IMMP2L: variants seen among roughly 807,000 people sequenced by gnomAD.
IMMP2L encodes mitochondrial inner membrane protease subunit 2.
In IMMP2L, 18 loss-of-function variants were observed where a neutral mutation model predicts 19.3. The ratio of observed to expected loss-of-function variants is 0.93; its 90% CI spans 0.64 to 1.38. IMMP2L has a LOEUF of 1.38. Among genes scored for constraint, IMMP2L ranks in the 40% most tolerant of loss-of-function variants. IMMP2L has a pLI of 0.00. For missense variants in IMMP2L, 233 were observed against 218.2 expected, an observed-to-expected ratio of 1.07 and a Z score of -0.43; for synonymous variants, 76 against 73.0, an observed-to-expected ratio of 1.04 and a Z score of -0.21.
chr7:111,171,834 T>A (rs1806480731), intron 3 of IMMP2L, among the ~76,000 whole-genome samples: 1 of 151,426 alleles, frequency 6.6e-6, no homozygotes, highest in Admixed American at 6.6e-5. Flanking sequence ...ACTATCTACA[T>A]ATATGTAATA....
chr7:110,770,682 GTTC>G (rs1562965280), intron 5 of IMMP2L, among the ~76,000 whole-genome samples: 1 of 152,126 alleles, frequency 6.6e-6, no homozygotes, highest in Non-Finnish European at 1.5e-5. Flanking sequence ...ACTGTACTGT[GTTC>G]TTATTTGGGC....
At chr7:111,412,471 G>C (rs371082215) in intron 3 of IMMP2L, among the ~76,000 whole-genome samples, 17 of 151,636 alleles carry the variant, frequency 1.1e-4, no homozygotes, top group Admixed American at 1.1e-3. Flanking sequence ...GAGTTAAAAC[G>C]GAAATCAATT....
At chr7:111,132,738 T>C (rs2129594497) in intron 3 of IMMP2L, among the ~76,000 whole-genome samples, 1 of 152,110 alleles carries the variant, frequency 6.6e-6, no homozygotes, top group Admixed American at 6.5e-5. Context: ...AGCAAAAAGT[T>C]TAAATAAAAA....
At chr7:110,861,651 T>A (rs1807444206) in intron 5 of IMMP2L, among the ~76,000 whole-genome samples, 1 of 145,690 alleles carries the variant, frequency 6.9e-6, no homozygotes, top group Non-Finnish European at 1.5e-5. Context: ...CAGATGACAG[T>A]TTTCTCACTG....
intron 5 of IMMP2L, among the ~76,000 whole-genome samples, chr7:110,834,958 T>C (rs766308279): frequency 1.4e-4 from 21 of 152,114 alleles, no homozygotes; most frequent in Non-Finnish European, 2.2e-4. Flanking sequence ...GAAGAATGGA[T>C]GCCAGGTAAA....
chr7:111,043,899 T>G (rs1792130003), intron 3 of IMMP2L, among the ~76,000 whole-genome samples: 1 of 152,334 alleles, frequency 6.6e-6, no homozygotes, highest in Non-Finnish European at 1.5e-5. Flanking sequence ...ACTAATAATT[T>G]TGTCAGCTCT....
chr7:111,343,636 T>TA (rs1451694277), intron 3 of IMMP2L, among the ~76,000 whole-genome samples: 2 of 152,066 alleles, frequency 1.3e-5, no homozygotes, highest in Non-Finnish European at 2.9e-5. Flanking sequence ...CAATGGCACT[T>TA]AGTAAACTCA....
intron 4 of IMMP2L, among the ~76,000 whole-genome samples, chr7:110,957,273 C>T (rs1470641050): frequency 6.6e-6 from 1 of 151,744 alleles, no homozygotes; most frequent in East Asian, 1.9e-4. Flanking sequence ...TTTGCCTTGT[C>T]AATATAATCT....
intron 3 of IMMP2L, among the ~76,000 whole-genome samples, chr7:111,452,450 ATAAG>A (rs1839293865): frequency 2.0e-5 from 3 of 152,310 alleles, no homozygotes; most frequent in Non-Finnish European, 2.9e-5. Flanking sequence ...AAAATCCTTC[ATAAG>A]TAAGATTTAT....
chr7:110,723,857 G>GAAAAAA (rs75787493), intron 5 of IMMP2L, among the ~76,000 whole-genome samples: 1 of 97,716 alleles, frequency 1.0e-5, no homozygotes, highest in Non-Finnish European at 2.2e-5. Flanking sequence ...GAGGGAAAGG[G>GAAAAAA]AAAAAAAAAA....
chr7:110,893,286 G>A (rs1331318172), intron 4 of IMMP2L, among the ~76,000 whole-genome samples: 1 of 151,998 alleles, frequency 6.6e-6, no homozygotes, highest in East Asian at 1.9e-4. Context: ...TGGATGCAAG[G>A]TTGCCACAAA....
intron 4 of IMMP2L, among the ~76,000 whole-genome samples, chr7:110,961,229 T>C (rs1212614743): frequency 1.3e-5 from 2 of 151,770 alleles, no homozygotes; most frequent in East Asian, 1.9e-4. Context: ...CAAATATAGA[T>C]ACCAAAATCC....
At chr7:111,029,316 G>A (rs753444426) in intron 3 of IMMP2L, among the ~76,000 whole-genome samples, 5 of 152,156 alleles carry the variant, frequency 3.3e-5, no homozygotes, top group Non-Finnish European at 7.4e-5. Context: ...ACAGAGATGA[G>A]AGCCGGCAAT....
chr7:111,487,248 C>T lies in IMMP2L; in HGVS notation c.229G>A (p.Val77Ile). 4 of 1,533,136 alleles carry T rather than the reference C, an allele frequency of 2.6e-6. No individual in the cohort carries two copies. The highest frequency in any genetic ancestry group is 3.6e-6 in the Non-Finnish European group (4 of 1,106,946). 95.0% of individuals were successfully genotyped at this position (1,533,136 alleles called of 1,614,324 possible). ...TTCTGAGTTACTTACACCAATGATA[C>T]AATGTCACCACGGTGTACTTCAAAA... is the stretch of plus-strand genomic sequence containing the variant. Reference protein sequence around the residue: ...RNFEVHRGDIVSLVSPKNPEQ... With the variant: ...RNFEVHRGDIISLVSPKNPEQ... The change falls in exon 3 of 6, where the codon GTA becomes ATA. Residue 77 changes from valine (V) to isoleucine (I), a missense_variant. Transcript: ENST00000405709.
intron 3 of IMMP2L, among the ~76,000 whole-genome samples, chr7:111,459,410 T>C (rs957384690): frequency 2.0e-5 from 3 of 152,096 alleles, no homozygotes; most frequent in African/African-American, 7.2e-5. Flanking sequence ...GCACTAGTAA[T>C]ACAACAATGA....
At chr7:110,700,255 C>G (rs1173952313) in intron 5 of IMMP2L, among the ~76,000 whole-genome samples, 1 of 152,202 alleles carries the variant, frequency 6.6e-6, no homozygotes, top group Non-Finnish European at 1.5e-5. Flanking sequence ...TTCACCTGAT[C>G]TGGGACCCAT....
intron 3 of IMMP2L, among the ~76,000 whole-genome samples, chr7:111,249,950 G>A (rs1815892186): frequency 6.6e-6 from 1 of 152,146 alleles, no homozygotes; most frequent in African/African-American, 2.4e-5. Context: ...CAAACAGGAA[G>A]AGAAGAAGTC....
intron 3 of IMMP2L, among the ~76,000 whole-genome samples, chr7:111,234,841 T>C (rs1206998895): frequency 1.3e-5 from 2 of 152,142 alleles, no homozygotes; most frequent in Non-Finnish European, 2.9e-5. Flanking sequence ...TCAGTATTCT[T>C]ACATTTCCCC....
At chr7:110,955,939 A>T (rs1380412230) in intron 4 of IMMP2L, among the ~76,000 whole-genome samples, 2 of 152,000 alleles carry the variant, frequency 1.3e-5, no homozygotes, top group African/African-American at 4.8e-5. Context: ...TTAAAAAAAA[A>T]GAATTTATTA....
Sources: allele counts gnomAD v4.1 joint callset (sites outside exome capture counted in the v4.1 genomes callset), GRCh38; gene constraint gnomAD v4.1.1; transcripts MANE v1.5; gene names NCBI Gene and HGNC (gene_info 2026-07-23, HGNC 2026-07-21).